Variants in LTF observed in about 807,000 individuals in gnomAD.
The protein encoded by LTF is lactotransferrin, also known as epididymis luminal protein 110.
In LTF, 91 loss-of-function variants were observed where a neutral mutation model predicts 87.2. The observed-to-expected ratio is 1.04, with a 90% CI of 0.88 to 1.24. LTF has a LOEUF of 1.24. LTF is among the 50% of genes most tolerant of loss of function. LTF has a pLI of 0.00. For synonymous variants in LTF, 378 were observed against 356.1 expected, an observed-to-expected ratio of 1.06 and a Z score of -0.69; for missense variants, 901 against 904.3, an observed-to-expected ratio of 1.00 and a Z score of 0.05.
rs189460549 is a variant in LTF at position 46,456,973 on chromosome 3, C to T, written c.208-575G>A. 3.1e-3 allele frequency among the ~76,000 whole-genome samples: 465 copies of T among 152,284 alleles called. 3 individuals carry two copies. Among genetic ancestry groups the T allele is most frequent in the African/African-American group, 0.011 (441 of 41,550 alleles). ...GGGATGAAACCGTTCCACCTCTGAT[C>T]ATCAGGCATTGGATTCTCATAGGGA... On this transcript the variant is annotated intron_variant, in intron 2 of 16. Coordinates refer to ENST00000231751, the MANE Select transcript of LTF (RefSeq NM_002343.6).
At chr3:46,465,095 C>G, upstream of LTF, 6 of 587,180 alleles carry the variant, frequency 1.0e-5, no homozygotes. Flanking sequence ...CTGCACCTCA[C>G]CTGTCCTGGT....
At chr3:46,465,545 C>T (rs1703192362), upstream of LTF, among the ~76,000 whole-genome samples, 1 of 152,046 alleles carries the variant, frequency 6.6e-6, no homozygotes, top group Non-Finnish European at 1.5e-5. Context: ...AAGGCTGGTT[C>T]CATGTTCTTA....
intron 15 of LTF, among the ~76,000 whole-genome samples, chr3:46,439,060 A>G (rs549599431): frequency 8.5e-5 from 13 of 152,358 alleles, no homozygotes; most frequent in South Asian, 8.3e-4. Flanking sequence ...CAACAAGGCC[A>G]GGGCACAGAG....
At chr3:46,460,621 T>C (rs892508915) in intron 1 of LTF, 3 of 454,300 alleles carry the variant, frequency 6.6e-6, no homozygotes, top group Admixed American at 2.4e-5. Context: ...CATACTAAAA[T>C]GGTGAAAGAC....
intron 16 of LTF, among the ~76,000 whole-genome samples, chr3:46,437,707 T>C (rs1382801201): frequency 1.3e-5 from 2 of 152,242 alleles, no homozygotes; most frequent in Non-Finnish European, 2.9e-5. Context: ...AAAGATTTCA[T>C]GACAGTGCCA....
chr3:46,472,910 T>C (rs898008718), intron 1 of LTF, among the ~76,000 whole-genome samples: 5 of 152,172 alleles, frequency 3.3e-5, no homozygotes, highest in Non-Finnish European at 5.9e-5. Context: ...GGCCTTCTCC[T>C]CACTTCATCT....
chr3:46,477,496 T>C (rs1703375415), intron 1 of LTF, among the ~76,000 whole-genome samples: 1 of 152,202 alleles, frequency 6.6e-6, no homozygotes, highest in Non-Finnish European at 1.5e-5. Flanking sequence ...CAGGGGAGTT[T>C]GAAACCAGCT....
Position 46,480,430 on chromosome 3 carries a change from C to A in LTF, c.-320+4556G>T, listed in dbSNP as rs191634979. Reference sequence around the variant, plus strand: ...GTGCCTGTGGTGATGGATTGTCATGCCCTTGGCTGCAGGGACCTGCCACTC... The same window carrying A: ...GTGCCTGTGGTGATGGATTGTCATGACCTTGGCTGCAGGGACCTGCCACTC... On this transcript the variant is annotated intron_variant, in intron 1 of 19. Coordinates refer to the LTF transcript ENST00000443496. Among the ~76,000 whole-genome samples, 183 of 152,288 alleles carry A rather than the reference C, an allele frequency of 1.2e-3. 1 individual carries two copies. Among genetic ancestry groups the A allele is most frequent in the East Asian group, 5.8e-4 (3 of 5,184 alleles).
chr3:46,475,490 G>C (rs1703348295), intron 1 of LTF, among the ~76,000 whole-genome samples: 1 of 148,758 alleles, frequency 6.7e-6, no homozygotes. Flanking sequence ...TGAGATGTCA[G>C]TCACTTTCAT....
chr3:46,447,518 T>G, intron 9 of LTF, 120 bp from the exon 10 acceptor site: 2 of 746,774 alleles, frequency 2.7e-6, no homozygotes, highest in South Asian at 3.0e-5. Flanking sequence ...CAGAAAGAGA[T>G]GGACTATTCA....
chr3:46,447,816 A>G (rs1702694279), intron 9 of LTF, among the ~76,000 whole-genome samples: 3 of 152,196 alleles, frequency 2.0e-5, no homozygotes, highest in African/African-American at 7.2e-5. Context: ...TGAAGTCGTC[A>G]TATTGGCCCA....
intron 9 of LTF, 36 bp downstream of exon 9, chr3:46,448,827 G>A (rs201617751): frequency 1.8e-4 from 285 of 1,602,848 alleles, no homozygotes; most frequent in African/African-American, 6.7e-4. Flanking sequence ...GTCTTCCACC[G>A]GGCCCACCGC....
chr3:46,482,702 AGG>A (rs1559614925), intron 1 of LTF, among the ~76,000 whole-genome samples: 15 of 124,408 alleles, frequency 1.2e-4, no homozygotes, highest in South Asian at 2.9e-4. Context: ...GAAGGAAGGA[AGG>A]AAAGAAAGAA....
chr3:46,462,684 G>C (rs1473298360), intron 1 of LTF, among the ~76,000 whole-genome samples: 1 of 152,192 alleles, frequency 6.6e-6, no homozygotes, highest in Non-Finnish European at 1.5e-5. Context: ...ACTCTCCCTA[G>C]GGCAGGGGCA....
chr3:46,460,684 T>G, intron 1 of LTF: 1 of 433,196 alleles, frequency 2.3e-6, no homozygotes, highest in South Asian at 1.7e-5. Context: ...CACACTCAAC[T>G]CTTCTATTCA....
intron 6 of LTF, among the ~76,000 whole-genome samples, chr3:46,452,612 C>T (rs1702830469): frequency 1.3e-5 from 2 of 152,208 alleles, no homozygotes; most frequent in Non-Finnish European, 2.9e-5. Context: ...GGCTCTCTCT[C>T]TTTCTCTCCA....
intron 13 of LTF, among the ~76,000 whole-genome samples, chr3:46,442,146 A>G (rs2106837575): frequency 1.3e-5 from 2 of 152,156 alleles, no homozygotes; most frequent in East Asian, 3.9e-4. Flanking sequence ...ATAATATGAG[A>G]ATAACGCTTA....
Position 46,439,389 on chromosome 3 carries a change from A to C in LTF, c.1815T>G (p.Ala605=), listed in dbSNP as rs779721607. Residue 605 remains alanine, a synonymous_variant, in exon 15 of 17, where the codon GCT becomes GCG. Transcript: ENST00000231751. ...LDGKRKPVTE[A]RSCHLAMAPN... is the part of the protein sequence containing the mutation. Reference sequence around the variant, plus strand: ...GGGCCATGGCAAGATGGCAGCTTCTAGCCTCAGTCACAGGCTTCCGTTTGC... The same window carrying C: ...GGGCCATGGCAAGATGGCAGCTTCTCGCCTCAGTCACAGGCTTCCGTTTGC... The C allele has an allele frequency of 6.2e-7, 1 of 1,614,214 alleles. No individual in the cohort carries two copies. The highest frequency in any genetic ancestry group is 8.5e-7 in the Non-Finnish European group (1 of 1,180,030).
chr3:46,441,554 A>G, intron 13 of LTF, 71 bp from the exon 14 acceptor site: 1 of 1,120,186 alleles, frequency 8.9e-7, no homozygotes, highest in Non-Finnish European at 1.3e-6. Context: ...AATATTTGTA[A>G]TATGCATTCC....
Sources: allele counts gnomAD v4.1 joint callset (sites outside exome capture counted in the v4.1 genomes callset), GRCh38; gene constraint gnomAD v4.1.1; transcripts MANE v1.5; gene names NCBI Gene and HGNC (gene_info 2026-07-23, HGNC 2026-07-21).